The following ARHGEF10 variants were observed in gnomAD, a reference collection of about 807,000 sequenced individuals.
ARHGEF10 encodes Rho guanine nucleotide exchange factor (GEF) 10.
In ARHGEF10, 140 loss-of-function variants were observed where a neutral mutation model predicts 147.4. That is an observed-to-expected ratio of 0.95 (90% CI 0.83 to 1.09). The LOEUF (loss-of-function observed/expected upper bound fraction) is 1.09, where lower values mean the gene tolerates loss of function less well. Ranked by LOEUF, ARHGEF10 falls within the 50% of genes least tolerant of loss-of-function variation. The pLI, the probability that ARHGEF10 is intolerant of heterozygous loss-of-function variation, is 0.00. For synonymous variants in ARHGEF10, 902 were observed against 695.8 expected, an observed-to-expected ratio of 1.30 and a Z score of -4.67; for missense variants, 2,222 against 1,752.7, an observed-to-expected ratio of 1.27 and a Z score of -4.78.
chr8:1,874,144 G>A (rs1585346283), intron 7 of ARHGEF10, among the ~76,000 whole-genome samples: 1 of 152,242 alleles, frequency 6.6e-6, no homozygotes, highest in Non-Finnish European at 1.5e-5. Flanking sequence ...TCAAGAGGAA[G>A]TGAGTAATTC....
intron 26 of ARHGEF10, among the ~76,000 whole-genome samples, chr8:1,939,876 G>C (rs117700431): frequency 3.2e-3 from 481 of 152,332 alleles, no homozygotes; most frequent in Admixed American, 8.4e-3. Flanking sequence ...AGCAGCCTTT[G>C]ACTTGACTTC....
Position 1,876,871 on chromosome 8 carries a change from GAT to G in ARHGEF10, c.843+140_843+141del, listed in dbSNP as rs547245100. 699 of 970,052 alleles carry G rather than the reference GAT, an allele frequency of 7.2e-4. 1 individual carries two copies. In the African/African-American group the frequency reaches 0.01, roughly 14 times the overall value. The allele number at this position is 970,052 out of a possible 1,614,324, so 60.1% of individuals were successfully genotyped here. A position where few individuals can be genotyped will look rare whatever the true frequency, so the allele number is the denominator to read the frequency against. ...GATAAGTAGTTTGGGGAAAGCATAA[GAT>G]ATTGGCAAAGGAGAAGACGTGTCTT... On this transcript the variant is annotated intron_variant, in intron 8 of 28. Transcript: ENST00000349830.
rs868713852 is a variant in ARHGEF10, at chr8:1,850,012, C to T, written c.37+6576C>T. Among the ~76,000 whole-genome samples, 36 of 66,190 alleles carry T rather than the reference C, an allele frequency of 5.4e-4. 1 individual carries two copies. Among genetic ancestry groups the T allele is most frequent in the East Asian group, 4.0e-3 (6 of 1,516 alleles). The allele number at this position is 66,190 out of a possible 152,430, so 43.4% of individuals were successfully genotyped here. On this transcript the variant is annotated intron_variant, in intron 2 of 28. Coordinates refer to ENST00000349830, the MANE Select transcript of ARHGEF10 (RefSeq NM_014629.4). ...CACAGAGGGCAAATGCTGAGGAGGG[C>T]GTGGGCCGGCTGCATGGACACAGAG...
intron 2 of ARHGEF10, among the ~76,000 whole-genome samples, chr8:1,851,888 C>T (rs1456908807): frequency 2.7e-5 from 4 of 150,358 alleles, no homozygotes; most frequent in Non-Finnish European, 5.9e-5. Flanking sequence ...CACTCCAGCG[C>T]GGGCAACAGA....
intron 11 of ARHGEF10, among the ~76,000 whole-genome samples, chr8:1,890,806 T>A (rs1354192477): frequency 6.6e-6 from 1 of 151,996 alleles, no homozygotes; most frequent in African/African-American, 2.4e-5. Flanking sequence ...AGGTTTGACC[T>A]TTTTGTTGTA....
chr8:1,894,182 A>G (rs1008950071), intron 12 of ARHGEF10, among the ~76,000 whole-genome samples: 4 of 151,438 alleles, frequency 2.6e-5, no homozygotes, highest in African/African-American at 9.7e-5. Context: ...AAAAAAAAAA[A>G]AAAGAAAAAT....
At chr8:1,906,274 A>C (rs754870103) in intron 17 of ARHGEF10, among the ~76,000 whole-genome samples, 4 of 152,222 alleles carry the variant, frequency 2.6e-5, no homozygotes, top group Non-Finnish European at 4.4e-5. Context: ...GTTAACTATA[A>C]CACTCCTGGT....
chr8:1,871,711 G>A (rs1434258655), intron 7 of ARHGEF10, among the ~76,000 whole-genome samples: 4 of 152,228 alleles, frequency 2.6e-5, no homozygotes, highest in Admixed American at 2.0e-4. Context: ...CCAGCTACTC[G>A]GGTGGCTGAG....
chr8:1,950,619 G>A (rs189418460), intron 27 of ARHGEF10, among the ~76,000 whole-genome samples: 2,125 of 151,844 alleles, frequency 0.014, 24 homozygotes, highest in Non-Finnish European at 0.023. Flanking sequence ...TGCAACCTCC[G>A]CCTCCCGGGT....
At chr8:1,823,570 G>T (rs1802532451), upstream of ARHGEF10, among the ~76,000 whole-genome samples, 2 of 152,096 alleles carry the variant, frequency 1.3e-5, no homozygotes, top group African/African-American at 4.8e-5. Flanking sequence ...TCCCCAAGGG[G>T]CGCAGCTCTG....
At chr8:1,865,094 T>C (rs1806471888) in intron 5 of ARHGEF10, among the ~76,000 whole-genome samples, 1 of 152,258 alleles carries the variant, frequency 6.6e-6, no homozygotes, top group Non-Finnish European at 1.5e-5. Flanking sequence ...TAGTTTAAAA[T>C]AGTGTTTCTG....
Position 1,823,954 on chromosome 8 carries a change from G to C in ARHGEF10, c.-207G>C, listed in dbSNP as rs992565807. ...GGCTGGGCGCATCCCTGTAGCCGGC[G>C]GGCGCGCGATCCGGGACGGACGGGG... On this transcript the variant is annotated 5_prime_UTR_variant, in exon 1 of 29. Transcript: ENST00000349830. 6.6e-6 allele frequency: 1 copy of C among 150,732 alleles called. No individual in the cohort carries two copies. The highest frequency in any genetic ancestry group is 1.5e-5 in the Non-Finnish European group (1 of 67,714). 9.3% of individuals were successfully genotyped at this position (150,732 alleles called of 1,614,324 possible).
At chr8:1,866,473 A>G (rs1806623667) in intron 5 of ARHGEF10, 53 bp from the exon 6 acceptor site, 4 of 1,543,928 alleles carry the variant, frequency 2.6e-6, no homozygotes, top group Non-Finnish European at 3.6e-6. Context: ...TTGGCATCCT[A>G]GTGACTTGGG....
In ARHGEF10 at chr8:1,866,518, T is replaced by C. The variant is rs747752981; in HGVS notation, c.546-8T>C. 6.2e-7 allele frequency: 1 copy of C among 1,612,424 alleles called. No homozygotes were observed. The highest frequency in any genetic ancestry group is 8.5e-7 in the Non-Finnish European group (1 of 1,179,994). ...GATATTCTGACTTTATGGTTTGTTT[T>C]CTTTAAGTGAAGATCAAGTCGGTCG... On this transcript the variant is annotated splice_polypyrimidine_tract_variant and splice_region_variant and intron_variant, in intron 5 of 28. Coordinates refer to ENST00000349830, the MANE Select transcript of ARHGEF10 (RefSeq NM_014629.4).
At position 1,858,187 on chromosome 8, in the gene ARHGEF10, T is replaced by G. The variant is rs55846495; in HGVS notation, c.193+72T>G. The G allele has an allele frequency of 0.19, 192,873 of 1,014,392 alleles. 6,175 individuals are homozygous for G. Among genetic ancestry groups the G allele is most frequent in the Non-Finnish European group, 0.21 (161,704 of 762,134 alleles). The allele number at this position is 1,014,392 out of a possible 1,614,324, so 62.8% of individuals were successfully genotyped here. On this transcript the variant is annotated intron_variant, in intron 3 of 28. Transcript: ENST00000349830. ...AGGTGAGTCCCCAGGTGGGTCCCCA[T>G]GTGAGTCACCAGGTGAGTTCCCAGG...
chr8:1,928,990 A>G (rs1812902021), intron 24 of ARHGEF10, among the ~76,000 whole-genome samples: 1 of 152,182 alleles, frequency 6.6e-6, no homozygotes, highest in South Asian at 2.1e-4. Flanking sequence ...CTATGTCATG[A>G]TCATACTGAA....
rs1351131733 is a variant in ARHGEF10, at chr8:1,888,202, A to C, written c.1182+2495A>C. On this transcript the variant is annotated intron_variant, in intron 11 of 28. Transcript: ENST00000349830. ...GTGGGGTGAGGGTTTGCGAGGAGAC[A>C]CTTAGTGGGGCGAGGGTTGCGAGGA... Among the ~76,000 whole-genome samples the C allele has an allele frequency of 3.1e-3, 106 of 33,832 alleles. 3 individuals carry two copies. The highest frequency in any genetic ancestry group is 0.025 in the Middle Eastern group (1 of 40). 22.2% of individuals were successfully genotyped at this position (33,832 alleles called of 152,430 possible). A position where few individuals can be genotyped will look rare whatever the true frequency, so the allele number is the denominator to read the frequency against.
chr8:1,914,517 A>G (rs919651522), intron 18 of ARHGEF10, among the ~76,000 whole-genome samples: 8 of 152,244 alleles, frequency 5.3e-5, no homozygotes, highest in African/African-American at 9.6e-5. Context: ...CTGGGCGGCA[A>G]GGGTCACTGT....
intron 7 of ARHGEF10, among the ~76,000 whole-genome samples, chr8:1,871,606 T>G (rs1807132375): frequency 6.6e-6 from 1 of 152,092 alleles, no homozygotes; most frequent in African/African-American, 2.4e-5. Flanking sequence ...GATCATGAGG[T>G]CAGGAGTTCA....
Sources: gnomAD v4.1 joint callset for allele counts (sites outside exome capture counted in the v4.1 genomes callset) on GRCh38, gnomAD v4.1.1 for gene constraint, MANE v1.5 for transcripts, NCBI Gene and HGNC (gene_info 2026-07-23, HGNC 2026-07-21) for gene names.